The following PPP1R1C variants were observed in gnomAD, a reference collection of about 807,000 sequenced individuals.
PPP1R1C encodes the protein protein phosphatase 1 regulatory inhibitor subunit 1C, also known as protein phosphatase 1 regulatory subunit 1C.
Under a neutral mutation model 17.4 loss-of-function variants are expected in PPP1R1C, and 15 were observed. That is an observed-to-expected ratio of 0.86 (90% CI 0.58 to 1.33). The LOEUF (loss-of-function observed/expected upper bound fraction) is 1.33, where lower values mean the gene tolerates loss of function less well. Ranked by LOEUF, PPP1R1C falls within the 40% of genes most tolerant of loss-of-function variation. PPP1R1C has a pLI of 0.00. For missense variants in PPP1R1C, 143 were observed against 130.0 expected, an observed-to-expected ratio of 1.10 and a Z score of -0.48; for synonymous variants, 35 against 43.1, an observed-to-expected ratio of 0.81 and a Z score of 0.73.
At chr2:182,104,210 A>G (rs1255110209) in intron 4 of PPP1R1C, among the ~76,000 whole-genome samples, 2 of 152,130 alleles carry the variant, frequency 1.3e-5, no homozygotes, top group South Asian at 2.1e-4. Context: ...TTTCTTGCCT[A>G]CTTGCTCTAG....
At position 182,063,336 on chromosome 2, in the gene PPP1R1C, C is replaced by T. The variant is rs564675626; in HGVS notation, c.181-395C>T. Among the ~76,000 whole-genome samples the T allele has an allele frequency of 2.6e-5, 4 of 152,130 alleles. No homozygotes were observed. The East Asian group carries it at 5.8e-4, about 22-fold the overall frequency. On this transcript the variant is annotated intron_variant, in intron 3 of 4. Transcript: ENST00000682840. ...CCTCTTGAATCACTCAATAACCCCA[C>T]GAACAGATACTATTATTCCCTGGAC...
chr2:181,991,478 A>G (rs1434272368), intron 2 of PPP1R1C, among the ~76,000 whole-genome samples: 1 of 152,190 alleles, frequency 6.6e-6, no homozygotes, highest in African/African-American at 2.4e-5. Flanking sequence ...AGATGAAACT[A>G]AAATTTTTAA....
At chr2:182,122,096 A>G (rs539662121), downstream of PPP1R1C, among the ~76,000 whole-genome samples, 2 of 152,194 alleles carry the variant, frequency 1.3e-5, no homozygotes, top group East Asian at 3.9e-4. Context: ...CTATCCTCTT[A>G]TACGTGAGGA....
At chr2:181,995,931 C>A (rs552134447) in intron 2 of PPP1R1C, among the ~76,000 whole-genome samples, 2 of 152,206 alleles carry the variant, frequency 1.3e-5, no homozygotes, top group African/African-American at 4.8e-5. Flanking sequence ...GCCCCGGGAC[C>A]TGGGCAGGTG....
rs185223884 is a variant in PPP1R1C, at chr2:182,072,343, G to A, written c.241+8552G>A. Reference sequence around the variant, plus strand: ...ATAATAGACTGGCAGCCTTCTTGACGCTTAGCTGTTTGCTTTACTTAAATC... The same window carrying A: ...ATAATAGACTGGCAGCCTTCTTGACACTTAGCTGTTTGCTTTACTTAAATC... On this transcript the variant is annotated intron_variant, in intron 4 of 4. Coordinates refer to ENST00000682840, the MANE Select transcript of PPP1R1C (RefSeq NM_001080545.3). Among the ~76,000 whole-genome samples, 602 of 152,196 alleles carry A rather than the reference G, an allele frequency of 4.0e-3. 1 individual carries two copies. The highest frequency in any genetic ancestry group is 0.016 in the South Asian group (78 of 4,814).
At chr2:182,092,809 A>G (rs1451657952) in intron 4 of PPP1R1C, among the ~76,000 whole-genome samples, 7 of 152,194 alleles carry the variant, frequency 4.6e-5, no homozygotes, top group Non-Finnish European at 1.0e-4. Flanking sequence ...GTAGGTCCCC[A>G]TAGTCTTGGG....
At chr2:182,076,624 C>T (rs2125209416) in intron 4 of PPP1R1C, among the ~76,000 whole-genome samples, 2 of 152,170 alleles carry the variant, frequency 1.3e-5, no homozygotes, top group South Asian at 4.1e-4. Context: ...CCCAAACCTC[C>T]TAACTCTACC....
intron 2 of PPP1R1C, among the ~76,000 whole-genome samples, chr2:182,046,378 G>C (rs190587179): frequency 2.8e-4 from 42 of 152,022 alleles, no homozygotes; most frequent in African/African-American, 8.9e-4. Context: ...ATTAAACATA[G>C]CTTTGCTTCA....
At chr2:182,118,534 A>G (rs1414945414), downstream of PPP1R1C, among the ~76,000 whole-genome samples, 1 of 152,172 alleles carries the variant, frequency 6.6e-6, no homozygotes, top group Non-Finnish European at 1.5e-5. Context: ...AGGCAGGAAG[A>G]AAAAATCAAA....
At chr2:181,983,778 T>A (rs368324684), upstream of PPP1R1C, among the ~76,000 whole-genome samples, 92 of 152,328 alleles carry the variant, frequency 6.0e-4, 1 homozygote, top group East Asian at 0.012. Flanking sequence ...GAGTTATGCT[T>A]CATTCTTTAA....
Position 181,986,047 on chromosome 2 carries a change from C to A in PPP1R1C, c.-64C>A. On this transcript the variant is annotated 5_prime_UTR_variant, in exon 1 of 5. Coordinates refer to ENST00000682840, the MANE Select transcript of PPP1R1C (RefSeq NM_001080545.3). ...GGAGTGTGTCTGAGGAAACACATCCCGGACACCACTTAGGGTTAGTCTTTC... is the reference window on the plus strand; with the variant it reads ...GGAGTGTGTCTGAGGAAACACATCCAGGACACCACTTAGGGTTAGTCTTTC... 1 of 1,285,810 alleles carries A rather than the reference C, an allele frequency of 7.8e-7. No homozygotes were observed. The allele number at this position is 1,285,810 out of a possible 1,614,324, so 79.7% of individuals were successfully genotyped here.
At chr2:182,062,133 T>C (rs1687868196) in intron 3 of PPP1R1C, among the ~76,000 whole-genome samples, 1 of 152,090 alleles carries the variant, frequency 6.6e-6, no homozygotes, top group Non-Finnish European at 1.5e-5. Context: ...TAGGATGCTG[T>C]GCAGGGTTAC....
chr2:182,014,008 A>G (rs896113428), intron 2 of PPP1R1C, among the ~76,000 whole-genome samples: 1 of 152,210 alleles, frequency 6.6e-6, no homozygotes, highest in African/African-American at 2.4e-5. Context: ...AAAAGTTTAC[A>G]TATCTCTGTC....
At chr2:182,049,199 G>A (rs1351452225) in intron 2 of PPP1R1C, among the ~76,000 whole-genome samples, 15 of 151,794 alleles carry the variant, frequency 9.9e-5, no homozygotes, top group African/African-American at 2.4e-4. Context: ...GTGTGGTGGC[G>A]GGTGCCTGTA....
chr2:181,956,308 T>C (rs1162828319), intron 1 of PPP1R1C, among the ~76,000 whole-genome samples: 2 of 152,242 alleles, frequency 1.3e-5, no homozygotes, highest in Non-Finnish European at 2.9e-5. Flanking sequence ...TTGATGGGCA[T>C]TTGGGTTGGT....
chr2:182,105,873 G>A (rs1463259962), intron 4 of PPP1R1C, among the ~76,000 whole-genome samples: 2 of 152,136 alleles, frequency 1.3e-5, no homozygotes, highest in African/African-American at 4.8e-5. Flanking sequence ...ATCACAATGT[G>A]CCATAACAAC....
intron 4 of PPP1R1C, among the ~76,000 whole-genome samples, chr2:182,081,613 A>G (rs1015015469): frequency 6.6e-6 from 1 of 152,246 alleles, no homozygotes; most frequent in Non-Finnish European, 1.5e-5. Context: ...ATTCTAAAAT[A>G]CAGCTATCAG....
chr2:181,981,000 C>T (rs1470429588), upstream of PPP1R1C, among the ~76,000 whole-genome samples: 3 of 147,394 alleles, frequency 2.0e-5, no homozygotes, highest in Non-Finnish European at 4.5e-5. Flanking sequence ...GGGATCTCGG[C>T]TCACTGCAAG....
At chr2:182,110,684 G>C (rs544010709) in intron 4 of PPP1R1C, among the ~76,000 whole-genome samples, 1 of 152,230 alleles carries the variant, frequency 6.6e-6, no homozygotes, top group South Asian at 2.1e-4. Context: ...CTCTCCTTTT[G>C]TTATTTTATT....
Sources: allele counts gnomAD v4.1 joint callset (sites outside exome capture counted in the v4.1 genomes callset), GRCh38; gene constraint gnomAD v4.1.1; transcripts MANE v1.5; gene names NCBI Gene and HGNC (gene_info 2026-07-23, HGNC 2026-07-21).